AKR1C3: variants seen among roughly 807,000 people sequenced by gnomAD.
AKR1C3 encodes the protein aldo-keto reductase family 1 member C3, also known as 3-alpha hydroxysteroid dehydrogenase, type II.
Under a neutral mutation model 43.6 loss-of-function variants are expected in AKR1C3, and 48 were observed. That is an observed-to-expected ratio of 1.10 (90% CI 0.87 to 1.40). The LOEUF (loss-of-function observed/expected upper bound fraction) is 1.40. Ranked by LOEUF, AKR1C3 falls within the 40% of genes most tolerant of loss-of-function variation. The pLI is 0.00. For synonymous variants in AKR1C3, 162 were observed against 139.6 expected, an observed-to-expected ratio of 1.16 and a Z score of -1.13; for missense variants, 482 against 391.2, an observed-to-expected ratio of 1.23 and a Z score of -1.96.
At position 5,097,551 on chromosome 10, in the gene AKR1C3, G is replaced by C. The variant is rs782729191; in HGVS notation, c.369+1G>C. 6.2e-7 allele frequency: 1 copy of C among 1,613,228 alleles called. No homozygotes were observed. The highest frequency in any genetic ancestry group is 8.5e-7 in the Non-Finnish European group (1 of 1,179,472). ...TATTCATTCTCCAATGTCTCTAAAG[G>C]TATGCAGTTTGTATGAGCATAAAAT... On this transcript the variant is annotated splice_donor_variant, in intron 3 of 8. Coordinates refer to ENST00000380554, the MANE Select transcript of AKR1C3 (RefSeq NM_003739.6). LOFTEE classifies it high-confidence loss of function.
Position 5,099,435 on chromosome 10 carries a change from C to A in AKR1C3, c.556C>A (p.Pro186Thr). The change falls in exon 5 of 9, where the codon CCT becomes ACT. Residue 186 changes from proline (P) to threonine (T), a missense_variant. Pro to Thr is a conservative substitution (Grantham distance 38). Transcript: ENST00000380554. Reference sequence around the variant, plus strand: ...CAACAAGCCAGGACTCAAGTACAAGCCTGTCTGCAACCAGGTGAGCTCCCT... The same window carrying A: ...CAACAAGCCAGGACTCAAGTACAAGACTGTCTGCAACCAGGTGAGCTCCCT... ...ILNKPGLKYK[P>T]VCNQVECHPY... 4 of 1,614,196 alleles carry A rather than the reference C, an allele frequency of 2.5e-6. No individual in the cohort carries two copies. The highest frequency in any genetic ancestry group is 3.4e-6 in the Non-Finnish European group (4 of 1,180,038).
At chr10:5,057,041 G>C (rs1838275773) in intron 1 of AKR1C3, among the ~76,000 whole-genome samples, 2 of 152,210 alleles carry the variant, frequency 1.3e-5, no homozygotes, top group South Asian at 4.1e-4. Context: ...GACATGAGCT[G>C]ACGCTTGCCC....
chr10:5,105,699 G>T (rs782376976), intron 8 of AKR1C3, 22 bp downstream of exon 8: 1 of 1,577,102 alleles, frequency 6.3e-7, no homozygotes, highest in South Asian at 1.1e-5. Context: ...TTGTAAATGG[G>T]TGATCTAATT....
chr10:5,084,516 C>T (rs192437818), intron 1 of AKR1C3, among the ~76,000 whole-genome samples: 2,783 of 152,136 alleles, frequency 0.018, 80 homozygotes, highest in African/African-American at 0.063. Flanking sequence ...AGCATGATGC[C>T]TCCGGCTTTG....
At chr10:5,104,405 T>C (rs71477902) in intron 7 of AKR1C3, among the ~76,000 whole-genome samples, 39,635 of 152,038 alleles carry the variant, frequency 0.26, 5,397 homozygotes, top group Middle Eastern at 0.37. Flanking sequence ...CTACCATAAA[T>C]GAAACATTCA....
At chr10:5,086,053 G>C (rs1310792152) in intron 1 of AKR1C3, among the ~76,000 whole-genome samples, 3 of 151,590 alleles carry the variant, frequency 2.0e-5, no homozygotes, top group Non-Finnish European at 4.4e-5. Flanking sequence ...TTTTTTGAAG[G>C]GTTTTTTGTG....
At chr10:5,050,634 TAAA>T (rs1554778845) in intron 1 of AKR1C3, among the ~76,000 whole-genome samples, 1 of 152,156 alleles carries the variant, frequency 6.6e-6, no homozygotes, top group African/African-American at 2.4e-5. Context: ...AAATAAAACA[TAAA>T]AAGGAAATTA....
At chr10:5,097,694 C>A (rs2298305) in intron 3 of AKR1C3, 144 bp downstream of exon 3, 161,405 of 1,504,436 alleles carry the variant, frequency 0.11, 9,264 homozygotes, top group Admixed American at 0.16. Context: ...ACCTAATTTC[C>A]TTTCTTTCGA....
intron 1 of AKR1C3, among the ~76,000 whole-genome samples, chr10:5,071,919 T>C (rs1264204738): frequency 3.9e-5 from 6 of 152,250 alleles, no homozygotes; most frequent in Non-Finnish European, 7.3e-5. Context: ...CTGAGTCATC[T>C]TGCATAGATC....
intron 1 of AKR1C3, among the ~76,000 whole-genome samples, chr10:5,062,853 T>TA (rs1564355520): frequency 0.039 from 2,878 of 73,960 alleles, 103 homozygotes; most frequent in African/African-American, 0.11. Flanking sequence ...GAACTCCTAG[T>TA]TAAAAAAAAA....
At chr10:5,074,674 C>CA (rs1454341284) in intron 1 of AKR1C3, among the ~76,000 whole-genome samples, 1 of 152,176 alleles carries the variant, frequency 6.6e-6, no homozygotes, top group African/African-American at 2.4e-5. Flanking sequence ...AACTGGGACA[C>CA]AAAAACCTGC....
At chr10:5,085,960 C>A (rs1308672322) in intron 1 of AKR1C3, among the ~76,000 whole-genome samples, 1 of 151,726 alleles carries the variant, frequency 6.6e-6, no homozygotes, top group African/African-American at 2.4e-5. Context: ...TTTGATTCTT[C>A]TCTCTTTTCT....
At chr10:5,105,049 GTC>G (rs5782801) in intron 7 of AKR1C3, among the ~76,000 whole-genome samples, 38,276 of 151,846 alleles carry the variant, frequency 0.25, 5,515 homozygotes, top group East Asian at 0.63. Flanking sequence ...GATATTTAAA[GTC>G]TCTCAAATTT....
intron 3 of AKR1C3, 57 bp downstream of exon 3, chr10:5,097,607 T>TA (rs1278573047): frequency 2.5e-6 from 4 of 1,610,110 alleles, no homozygotes; most frequent in Non-Finnish European, 3.4e-6. Flanking sequence ...AAACATTGTT[T>TA]ATCTGGATAG....
intron 1 of AKR1C3, among the ~76,000 whole-genome samples, chr10:5,061,101 G>A (rs986967694): frequency 1.5e-4 from 23 of 152,226 alleles, no homozygotes; most frequent in African/African-American, 5.3e-4. Context: ...CAGTGCAGCG[G>A]CGGGCTGAAG....
intron 6 of AKR1C3, 63 bp downstream of exon 6, chr10:5,102,273 C>T: frequency 1.3e-6 from 2 of 1,575,500 alleles, no homozygotes; most frequent in Non-Finnish European, 1.7e-6. Context: ...TTAGTCAGAG[C>T]ATCCTCAGTT....
chr10:5,104,576 T>C (rs1471880451), intron 7 of AKR1C3, among the ~76,000 whole-genome samples: 2 of 152,178 alleles, frequency 1.3e-5, no homozygotes, highest in African/African-American at 2.4e-5. Context: ...CTGACTATTC[T>C]GTTATATGAA....
In AKR1C3 at chr10:5,096,573, C is replaced by T. The variant is rs1554785174; in HGVS notation, c.248C>T (p.Ser83Leu). Residue 83 changes from serine to leucine, a missense_variant, in exon 2 of 9, where the codon TCA becomes TTA. Physicochemically the swap from Ser to Leu is moderately radical, Grantham distance 145. Coordinates refer to ENST00000380554, the MANE Select transcript of AKR1C3 (RefSeq NM_003739.6). ...SVKREDIFYT[S>L]KLWSTFHRPE... ...AAGAGAGAAGACATATTCTACACTT[C>T]AAAGGTACTGTGTCTATGATGAGCT... 4 of 1,612,978 alleles carry T rather than the reference C, an allele frequency of 2.5e-6. No homozygotes were observed. In the Admixed American group the frequency reaches 5.0e-5, roughly 20 times the overall value.
chr10:5,065,163 G>GTAT (rs1340250996), intron 1 of AKR1C3, among the ~76,000 whole-genome samples: 4 of 152,162 alleles, frequency 2.6e-5, no homozygotes, highest in Non-Finnish European at 5.9e-5. Flanking sequence ...CACTGCTGGT[G>GTAT]TATTAGTTCA....
Sources: gnomAD v4.1 joint callset for allele counts (sites outside exome capture counted in the v4.1 genomes callset) on GRCh38, gnomAD v4.1.1 for gene constraint, MANE v1.5 for transcripts, NCBI Gene and HGNC (gene_info 2026-07-23, HGNC 2026-07-21) for gene names.